ADH6: variants seen among roughly 807,000 people sequenced by gnomAD.
The protein encoded by ADH6 is alcohol dehydrogenase 6 (class V), also known as alcohol dehydrogenase 6.
Under a neutral mutation model 36.5 loss-of-function variants are expected in ADH6, and 34 were observed. That is an observed-to-expected ratio of 0.93 (90% CI 0.71 to 1.24). The LOEUF (loss-of-function observed/expected upper bound fraction) is 1.24, where lower values mean the gene tolerates loss of function less well. Ranked by LOEUF, ADH6 falls within the 50% of genes most tolerant of loss-of-function variation. ADH6 has a pLI of 0.00. For synonymous variants in ADH6, 161 were observed against 155.5 expected, an observed-to-expected ratio of 1.04 and a Z score of -0.26; for missense variants, 440 against 447.0, an observed-to-expected ratio of 0.98 and a Z score of 0.14.
At chr4:99,204,300 T>A in intron 8 of ADH6, 57 bp from the exon 9 acceptor site, 1 of 1,584,754 alleles carries the variant, frequency 6.3e-7, no homozygotes, top group Non-Finnish European at 8.5e-7. Flanking sequence ...ACATTTGTGT[T>A]TTGGATTTCA....
At chr4:99,204,456 G>T in intron 8 of ADH6, 1 of 1,350,966 alleles carries the variant, frequency 7.4e-7, no homozygotes, top group Non-Finnish European at 9.5e-7. Context: ...ACTCGTGTGG[G>T]GAATGCCAGT....
At chr4:99,216,135 A>ATTTTT (rs34008565) in intron 2 of ADH6, 26 bp downstream of exon 2, 26 of 865,264 alleles carry the variant, frequency 3.0e-5, no homozygotes, top group East Asian at 2.1e-4. Context: ...TTTTGGTGTG[A>ATTTTT]TTTTTTTTTT....
intron 6 of ADH6, among the ~76,000 whole-genome samples, chr4:99,208,159 C>T (rs1456180457): frequency 5.3e-5 from 8 of 152,086 alleles, no homozygotes; most frequent in Admixed American, 6.5e-5. Flanking sequence ...GCTGACTAGA[C>T]GATAGAGCCA....
intron 7 of ADH6, among the ~76,000 whole-genome samples, chr4:99,205,509 AAAG>A (rs888742209): frequency 3.3e-5 from 5 of 152,128 alleles, no homozygotes; most frequent in South Asian, 2.1e-4. Flanking sequence ...GCTTAAAGGA[AAAG>A]AAGAACTCTC....
chr4:99,214,291 C>T (rs10030920), intron 2 of ADH6, among the ~76,000 whole-genome samples: 64,014 of 151,692 alleles, frequency 0.42, 14,904 homozygotes, highest in East Asian at 0.88. Flanking sequence ...GCTTGGGAGG[C>T]TGAAGTGGGA....
chr4:99,207,881 AC>A (rs1731091878), intron 6 of ADH6, among the ~76,000 whole-genome samples: 1 of 152,122 alleles, frequency 6.6e-6, no homozygotes, highest in Non-Finnish European at 1.5e-5. Flanking sequence ...AAAAATTATT[AC>A]TGATGCAGGT....
At chr4:99,209,509 C>T (rs990376329) in intron 5 of ADH6, among the ~76,000 whole-genome samples, 16 of 151,994 alleles carry the variant, frequency 1.1e-4, no homozygotes, top group Non-Finnish European at 1.9e-4. Flanking sequence ...GGAAGGGAGC[C>T]GGGAAGGTTT....
chr4:99,213,527 A>C (rs1343318387), intron 3 of ADH6, 79 bp downstream of exon 3: 1 of 1,327,588 alleles, frequency 7.5e-7, no homozygotes, highest in Non-Finnish European at 1.0e-6. Context: ...TGATCCTGAC[A>C]TACTTAAGGG....
At chr4:99,214,106 T>C (rs1731319094) in intron 2 of ADH6, among the ~76,000 whole-genome samples, 1 of 152,166 alleles carries the variant, frequency 6.6e-6, no homozygotes, top group South Asian at 2.1e-4. Flanking sequence ...AATAAAGGAA[T>C]TGAGCTGAGT....
chr4:99,216,091 A>G, intron 2 of ADH6, 70 bp downstream of exon 2: 2 of 775,674 alleles, frequency 2.6e-6, no homozygotes, highest in South Asian at 4.9e-5. Context: ...GGATAAGAAT[A>G]TGTAACTTAC....
At chr4:99,215,071 C>T (rs1254345578) in intron 2 of ADH6, among the ~76,000 whole-genome samples, 1 of 152,186 alleles carries the variant, frequency 6.6e-6, no homozygotes, top group East Asian at 1.9e-4. Flanking sequence ...TTCAAATTCA[C>T]TGGTGAGACA....
Position 99,203,883 on chromosome 4 carries a change from G to A in ADH6, c.*336C>T. 4.0e-6 allele frequency: 1 copy of A among 249,808 alleles called. No homozygotes were observed. 15.5% of individuals were successfully genotyped at this position (249,808 alleles called of 1,614,324 possible). A position where few individuals can be genotyped will look rare whatever the true frequency, so the allele number is the denominator to read the frequency against. On this transcript the variant is annotated 3_prime_UTR_variant, in exon 9 of 9. Transcript: ENST00000394899. Reference sequence around the variant, plus strand: ...TAGGCCTGTGAGAGAGACATATAGTGTACAAGAATATAAAGGTCCACAGGT... The same window carrying A: ...TAGGCCTGTGAGAGAGACATATAGTATACAAGAATATAAAGGTCCACAGGT...
chr4:99,205,078 T>C lies in ADH6; in HGVS notation c.965-15A>G. 1.9e-6 allele frequency: 3 copies of C among 1,548,860 alleles called. No homozygotes were observed. Among genetic ancestry groups the C allele is most frequent in the Middle Eastern group, 1.7e-4 (1 of 5,774 alleles). ...GCTCTTCCAGCCTGGAAATACAGAT[T>C]AATGATGAATTTTACACATGAGGCT... On this transcript the variant is annotated splice_polypyrimidine_tract_variant and intron_variant, in intron 7 of 8. Coordinates refer to ENST00000394899, the MANE Select transcript of ADH6 (RefSeq NM_001102470.2).
chr4:99,216,319 G>T, intron 1 of ADH6, 57 bp from the exon 2 acceptor site: 3 of 1,101,562 alleles, frequency 2.7e-6, no homozygotes, highest in Non-Finnish European at 3.9e-6. Flanking sequence ...GGAGTTGGAA[G>T]ATTGCTATAT....
chr4:99,218,021 T>C (rs1159241882), intron 1 of ADH6, among the ~76,000 whole-genome samples: 2 of 152,162 alleles, frequency 1.3e-5, no homozygotes, highest in Admixed American at 1.3e-4. Flanking sequence ...TTCTGTGTGG[T>C]CTTATCTATT....
chr4:99,212,119 T>C (rs1394699784), intron 3 of ADH6, among the ~76,000 whole-genome samples: 1 of 152,080 alleles, frequency 6.6e-6, no homozygotes, highest in Non-Finnish European at 1.5e-5. Flanking sequence ...AGAAAATGAG[T>C]ACATGAACAT....
intron 2 of ADH6, among the ~76,000 whole-genome samples, chr4:99,214,454 A>T (rs1372811606): frequency 1.3e-5 from 2 of 152,246 alleles, no homozygotes; most frequent in Admixed American, 1.3e-4. Context: ...GTTTCCTATT[A>T]TAATTTAATT....
At position 99,210,264 on chromosome 4, in the gene ADH6, T is replaced by C. The variant is rs765497445; in HGVS notation, c.385A>G (p.Ser129Gly). The change falls in exon 5 of 9, where the codon AGC becomes GGC. Residue 129 changes from serine (S) to glycine (G), a missense_variant. Ser to Gly is a moderately conservative substitution (Grantham distance 56, BLOSUM62 0). Transcript: ENST00000394899. ...GATTTTCCCTTGCAGGTAAACCTGCTGGTACCATCAGACATCAGTTGGGTT... is the reference window on the plus strand; with the variant it reads ...GATTTTCCCTTGCAGGTAAACCTGCCGGTACCATCAGACATCAGTTGGGTT... Reference protein sequence around the residue: ...SKTQLMSDGTSRFTCKGKSIY... With the variant: ...SKTQLMSDGTGRFTCKGKSIY... 1 of 1,613,778 alleles carries C rather than the reference T, an allele frequency of 6.2e-7. No individual in the cohort carries two copies. Among genetic ancestry groups the C allele is most frequent in the South Asian group, 1.1e-5 (1 of 91,078 alleles).
At chr4:99,216,401 AT>A in intron 1 of ADH6, 139 bp from the exon 2 acceptor site, 1 of 441,924 alleles carries the variant, frequency 2.3e-6, no homozygotes, top group South Asian at 8.0e-5. Context: ...GAATAAATAT[AT>A]GCTGAAGGTA....
Sources: gnomAD v4.1 joint callset for allele counts (sites outside exome capture counted in the v4.1 genomes callset) on GRCh38, gnomAD v4.1.1 for gene constraint, MANE v1.5 for transcripts, NCBI Gene and HGNC (gene_info 2026-07-23, HGNC 2026-07-21) for gene names.